WDR27: variants seen among roughly 807,000 people sequenced by gnomAD.
The protein encoded by WDR27 is WD repeat domain 27, also known as WD repeat-containing protein 27.
Under a neutral mutation model 114.4 loss-of-function variants are expected in WDR27, and 100 were observed. That is an observed-to-expected ratio of 0.87 (90% CI 0.74 to 1.03). The LOEUF (loss-of-function observed/expected upper bound fraction) is 1.03. Ranked by LOEUF, WDR27 falls within the 50% of genes least tolerant of loss-of-function variation. The probability of loss-of-function intolerance (pLI) is 0.00; values close to 1 mark genes in which losing one functional copy is unlikely to be tolerated. For synonymous variants in WDR27, 449 were observed against 423.1 expected, an observed-to-expected ratio of 1.06 and a Z score of -0.75; for missense variants, 1,129 against 1,092.9, an observed-to-expected ratio of 1.03 and a Z score of -0.47.
chr6:169,630,049 T>C (rs889121596), intron 21 of WDR27, among the ~76,000 whole-genome samples: 3 of 152,132 alleles, frequency 2.0e-5, no homozygotes, highest in Admixed American at 6.6e-5. Context: ...AGAAATTTGG[T>C]CAATTCTCAC....
At chr6:169,427,682 T>C in the WDR27 span, among the ~76,000 whole-genome samples, 1 of 151,700 alleles carries the variant, frequency 6.6e-6, no homozygotes, top group African/African-American at 2.4e-5. Context: ...CTATTCTGAA[T>C]CCCACCTGTG....
At chr6:169,670,792 T>A in intron 3 of WDR27, 99 bp from the exon 4 acceptor site, 3 of 1,433,608 alleles carry the variant, frequency 2.1e-6, no homozygotes, top group Non-Finnish European at 1.9e-6. Context: ...ATTCTAAAAT[T>A]ACTGAGAGAA....
At chr6:169,601,307 A>G (rs1349702680) in intron 23 of WDR27, among the ~76,000 whole-genome samples, 1 of 152,238 alleles carries the variant, frequency 6.6e-6, no homozygotes, top group Non-Finnish European at 1.5e-5. Context: ...TTCTAAACAG[A>G]ACATCAGAAT....
Position 169,596,903 on chromosome 6 carries a change from A to G in WDR27, c.2424+5316T>C, listed in dbSNP as rs188003893. Among the ~76,000 whole-genome samples the G allele has an allele frequency of 1.0e-3, 154 of 152,332 alleles. 1 individual carries two copies. Among genetic ancestry groups the G allele is most frequent in the African/African-American group, 3.2e-3 (134 of 41,590 alleles). Reference sequence around the variant, plus strand: ...TAAGAGAAGTTTGTTAAAGTCTTCCATTATGATTGAAGATACTTCTTTTTC... The same window carrying G: ...TAAGAGAAGTTTGTTAAAGTCTTCCGTTATGATTGAAGATACTTCTTTTTC... On this transcript the variant is annotated intron_variant, in intron 23 of 25. Coordinates refer to ENST00000448612, the MANE Select transcript of WDR27 (RefSeq NM_182552.5).
chr6:169,639,655 G>A lies in WDR27; in HGVS notation c.1748-995C>T, dbSNP rs573008728. Among the ~76,000 whole-genome samples, 95 of 152,214 alleles carry A rather than the reference G, an allele frequency of 6.2e-4. 1 individual carries two copies. The highest frequency in any genetic ancestry group is 7.5e-4 in the Non-Finnish European group (51 of 68,014). ...GCTCTGATATTAAACTAAGGTAGGC[G>A]ATGAGGCACAGTGTTTATTTCGTAC... On this transcript the variant is annotated intron_variant, in intron 17 of 25. Transcript: ENST00000448612.
chr6:169,633,107 T>G, intron 20 of WDR27, 39 bp from the exon 21 acceptor site: 1 of 1,559,386 alleles, frequency 6.4e-7, no homozygotes, highest in Non-Finnish European at 8.8e-7. Context: ...TCAACACTCT[T>G]ACCCATGGGG....
chr6:169,679,498 C>G (rs1206933419), intron 2 of WDR27, among the ~76,000 whole-genome samples: 4 of 152,100 alleles, frequency 2.6e-5, no homozygotes, highest in Non-Finnish European at 5.9e-5. Flanking sequence ...GAGGTGGGGT[C>G]TGGTGGGAGG....
chr6:169,621,034 C>T (rs73039114), intron 21 of WDR27, among the ~76,000 whole-genome samples: 2,119 of 152,134 alleles, frequency 0.014, 22 homozygotes, highest in Middle Eastern at 0.082. Flanking sequence ...AAGGACTTTG[C>T]CCTCACTTCA....
intron 1 of WDR27, among the ~76,000 whole-genome samples, chr6:169,690,271 G>A (rs533638954): frequency 1.1e-4 from 16 of 152,274 alleles, no homozygotes; most frequent in African/African-American, 2.9e-4. Context: ...CACTGGTCAC[G>A]TGGATTCGAA....
chr6:169,562,162 C>G (rs1799762433), intron 25 of WDR27, among the ~76,000 whole-genome samples: 1 of 152,164 alleles, frequency 6.6e-6, no homozygotes, highest in African/African-American at 2.4e-5. Context: ...CACATAAGGA[C>G]GCGGAAGACT....
chr6:169,636,294 T>C lies in WDR27; in HGVS notation c.2003+77A>G. The C allele has an allele frequency of 1.9e-6, 3 of 1,544,290 alleles. No homozygotes were observed. In the South Asian group the frequency reaches 3.7e-5, roughly 19 times the overall value. On this transcript the variant is annotated intron_variant, in intron 19 of 25. Coordinates refer to ENST00000448612, the MANE Select transcript of WDR27 (RefSeq NM_182552.5). The stretch of plus-strand genomic sequence containing the variant: ...AAATTTGGGGCAACATTTTAAAATG[T>C]AAATACCTTTCAACATCACATTATT...
intron 16 of WDR27, chr6:169,647,568 G>A (rs898834378): frequency 1.6e-6 from 1 of 641,824 alleles, no homozygotes; most frequent in African/African-American, 1.8e-5. Flanking sequence ...GCAGGGGTGA[G>A]ATGCCTGGAG....
intron 25 of WDR27, among the ~76,000 whole-genome samples, chr6:169,461,107 G>A (rs543880059): frequency 1.3e-5 from 2 of 151,924 alleles, no homozygotes; most frequent in Admixed American, 1.3e-4. Flanking sequence ...CCTAATAACA[G>A]ACCATCAAAA....
At chr6:169,546,590 G>A (rs1395166831) in intron 25 of WDR27, among the ~76,000 whole-genome samples, 2 of 152,130 alleles carry the variant, frequency 1.3e-5, no homozygotes, top group Non-Finnish European at 2.9e-5. Flanking sequence ...GCACACCTGA[G>A]GCCGTCTCTT....
chr6:169,494,056 G>C (rs956090635), intron 25 of WDR27, among the ~76,000 whole-genome samples: 1 of 152,188 alleles, frequency 6.6e-6, no homozygotes, highest in Non-Finnish European at 1.5e-5. Flanking sequence ...TGTTGTGTTT[G>C]TATATATGGC....
At chr6:169,640,860 G>A (rs1428425860) in intron 17 of WDR27, among the ~76,000 whole-genome samples, 1 of 152,238 alleles carries the variant, frequency 6.6e-6, no homozygotes, top group Non-Finnish European at 1.5e-5. Flanking sequence ...CAGGAGGGAG[G>A]GTGAAGTCAC....
At chr6:169,447,619 C>T in the WDR27 span, among the ~76,000 whole-genome samples, 1 of 152,212 alleles carries the variant, frequency 6.6e-6, no homozygotes, top group Non-Finnish European at 1.5e-5. Context: ...AACAAACTCT[C>T]AAGTGGAGGC....
chr6:169,692,232 G>A (rs1405683284), intron 1 of WDR27, among the ~76,000 whole-genome samples: 2 of 152,218 alleles, frequency 1.3e-5, no homozygotes, highest in Non-Finnish European at 2.9e-5. Flanking sequence ...TCCAGTCCAG[G>A]GAAGCCATCC....
At chr6:169,456,022 A>C (rs921290857), downstream of WDR27, among the ~76,000 whole-genome samples, 1 of 152,184 alleles carries the variant, frequency 6.6e-6, no homozygotes, top group East Asian at 1.9e-4. This position sits in a 1 kb window ranked among gnomAD's most constrained non-coding sequence, Gnocchi z 4.0. Flanking sequence ...TGTCAGAAAC[A>C]GTATGTCAAA....
Sources: gnomAD v4.1 joint callset for allele counts (sites outside exome capture counted in the v4.1 genomes callset) on GRCh38, gnomAD v4.1.1 for gene constraint, Gnocchi (gnomAD v3.1) non-coding constraint, MANE v1.5 for transcripts, NCBI Gene and HGNC (gene_info 2026-07-23, HGNC 2026-07-21) for gene names.